The following NYAP1 variants were observed in gnomAD, a reference collection of about 807,000 sequenced individuals.
NYAP1 encodes neuronal tyrosine phosphorylated phosphoinositide-3-kinase adaptor 1.
Under a neutral mutation model 58.6 loss-of-function variants are expected in NYAP1, and 20 were observed. The observed-to-expected ratio is 0.34, with a 90% CI of 0.24 to 0.50. The LOEUF is 0.50. Among genes scored for constraint, NYAP1 ranks in the 20% least tolerant of loss-of-function variants. The pLI is 0.98. For synonymous variants in NYAP1, 572 were observed against 523.1 expected, an observed-to-expected ratio of 1.09 and a Z score of -1.27; for missense variants, 1,150 against 1,194.5, an observed-to-expected ratio of 0.96 and a Z score of 0.55.
Position 100,493,740 on chromosome 7 carries a change from G to A in NYAP1, c.2363G>A (p.Cys788Tyr). 6.2e-7 allele frequency: 1 copy of A among 1,604,632 alleles called. No homozygotes were observed. The highest frequency in any genetic ancestry group is 2.2e-5 in the East Asian group (1 of 44,694). ...CTGGAGGTGATCGAGCGCAAGCGCTGCGTGTGCAAGGAGATCAAGGCGCGC... is the reference window on the plus strand; with the variant it reads ...CTGGAGGTGATCGAGCGCAAGCGCTACGTGTGCAAGGAGATCAAGGCGCGC... Reference protein sequence around the residue: ...KLLEVIERKRCVCKEIKARHR... With the variant: ...KLLEVIERKRYVCKEIKARHR... The change falls in exon 7 of 7, where the codon TGC becomes TAC. Residue 788 changes from cysteine to tyrosine, a missense_variant. Coordinates refer to ENST00000300179, the MANE Select transcript of NYAP1 (RefSeq NM_173564.4).
rs767974873 is a variant in NYAP1 at position 100,488,651 on chromosome 7, G to A, written c.930G>A (p.Arg310=). The A allele has an allele frequency of 2.3e-5, 37 of 1,610,322 alleles. No homozygotes were observed. The highest frequency in any genetic ancestry group is 8.0e-5 in the African/African-American group (6 of 74,586). Residue 310 remains arginine, a synonymous_variant, in exon 4 of 7, where the codon CGG becomes CGA. Transcript: ENST00000300179. The surrounding 1 kb of genome is among the most constrained non-coding windows in gnomAD (Gnocchi z 5.9). ...GCCCAGCTTCAGCCCTCCCGAGCCG[G>A]AGGGACGGGACGCCCACCAAGACCA... ...HRRPASALPS[R]RDGTPTKTTP...
chr7:100,486,752 TG>T lies in NYAP1; in HGVS notation c.69-65del. ...AAGCCACAGGGTTGCTGACACCTCT[TG>T]GGGTGGAGAAGGGGGATGCCCAGGT... On this transcript the variant is annotated intron_variant, in intron 2 of 6. Coordinates refer to ENST00000300179, the MANE Select transcript of NYAP1 (RefSeq NM_173564.4). The surrounding 1 kb of genome is among the most constrained non-coding windows in gnomAD (Gnocchi z 6.2). 1 of 1,405,760 alleles carries T rather than the reference TG, an allele frequency of 7.1e-7. No individual in the cohort carries two copies. Among genetic ancestry groups the T allele is most frequent in the African/African-American group, 1.5e-5 (1 of 66,940 alleles). The allele number at this position is 1,405,760 out of a possible 1,614,324, so 87.1% of individuals were successfully genotyped here.
intron 4 of NYAP1, 73 bp downstream of exon 4, chr7:100,489,739 G>T: frequency 8.5e-7 from 1 of 1,180,978 alleles, no homozygotes; most frequent in Non-Finnish European, 1.1e-6. Context: ...GATGGTTTGG[G>T]GGAGGTGTTG....
Position 100,488,456 on chromosome 7 carries a change from C to A in NYAP1, c.735C>A (p.Thr245=), listed in dbSNP as rs1270109366. The A allele has an allele frequency of 1.2e-6, 2 of 1,609,448 alleles. No homozygotes were observed. The highest frequency in any genetic ancestry group is 2.2e-5 in the South Asian group (2 of 90,814). ...AGPPLGGGGP[T]PPAGADSDSE... Reference sequence around the variant, plus strand: ...CCCCTCTTGGGGGTGGGGGCCCGACCCCTCCAGCGGGCGCCGACTCGGACT... The same window carrying A: ...CCCCTCTTGGGGGTGGGGGCCCGACACCTCCAGCGGGCGCCGACTCGGACT... Residue 245 remains threonine (T), a synonymous_variant, in exon 4 of 7, where the codon ACC becomes ACA. Transcript: ENST00000300179. The surrounding 1 kb of genome is among the most constrained non-coding windows in gnomAD (Gnocchi z 5.9).
rs145361652 is a variant in NYAP1 at position 100,488,290 on chromosome 7, A to T, written c.569A>T (p.Asn190Ile). The change falls in exon 4 of 7, where the codon AAC becomes ATC. Residue 190 changes from asparagine to isoleucine, a missense_variant. By Grantham distance (149) the Asn-to-Ile change is moderately radical. Coordinates refer to ENST00000300179, the MANE Select transcript of NYAP1 (RefSeq NM_173564.4). This position sits in a 1 kb window ranked among gnomAD's most constrained non-coding sequence, Gnocchi z 5.9. ...CCAGGCCCCTCTCCTCGAGGGGGGAACCTGCCTCTTCAGCGCCTCACTAGG... is the reference window on the plus strand; with the variant it reads ...CCAGGCCCCTCTCCTCGAGGGGGGATCCTGCCTCTTCAGCGCCTCACTAGG... ...CPPGPSPRGG[N>I]LPLQRLTRGS... 9 of 1,613,032 alleles carry T rather than the reference A, an allele frequency of 5.6e-6. No individual in the cohort carries two copies. The highest frequency in any genetic ancestry group is 3.3e-5 in the South Asian group (3 of 91,054).
intron 6 of NYAP1, among the ~76,000 whole-genome samples, chr7:100,492,656 T>G (rs1394692113): frequency 1.3e-5 from 2 of 152,040 alleles, no homozygotes; most frequent in Non-Finnish European, 2.9e-5. Context: ...CCTAGTACTT[T>G]GGGAGGCCGA....
intron 4 of NYAP1, among the ~76,000 whole-genome samples, chr7:100,489,935 G>A (rs1010510443): frequency 3.9e-5 from 6 of 152,036 alleles, no homozygotes; most frequent in African/African-American, 1.2e-4. Context: ...CTCCCTTCCC[G>A]GGGCTGCAGG....
chr7:100,488,401 G>A lies in NYAP1; in HGVS notation c.680G>A (p.Gly227Glu), dbSNP rs746353299. 1.3e-6 allele frequency: 2 copies of A among 1,597,368 alleles called. No individual in the cohort carries two copies. The highest frequency in any genetic ancestry group is 1.7e-4 in the Middle Eastern group (1 of 5,966). The change falls in exon 4 of 7, where the codon GGA becomes GAA. Residue 227 changes from glycine (G) to glutamate (E), a missense_variant. Gly to Glu is a moderately conservative substitution (Grantham distance 98, BLOSUM62 -2). Coordinates refer to ENST00000300179, the MANE Select transcript of NYAP1 (RefSeq NM_173564.4). The surrounding 1 kb of genome is among the most constrained non-coding windows in gnomAD (Gnocchi z 5.9). ...ATGGTGGGGGACGTCTTTAGGGGAG[G>A]AGGACGAAGTGGAGGAGGCCTGGCT... ...IEMVGDVFRG[G>E]GRSGGGLAGP...
In NYAP1 at chr7:100,487,583, C is replaced by G. The variant is rs1358582992; in HGVS notation, c.430+401C>G. Among the ~76,000 whole-genome samples, 1 of 152,060 alleles carries G rather than the reference C, an allele frequency of 6.6e-6. No homozygotes were observed. Among genetic ancestry groups the G allele is most frequent in the Non-Finnish European group, 1.5e-5 (1 of 67,992 alleles). On this transcript the variant is annotated intron_variant, in intron 3 of 6. Coordinates refer to ENST00000300179, the MANE Select transcript of NYAP1 (RefSeq NM_173564.4). The surrounding 1 kb of genome is among the most constrained non-coding windows in gnomAD (Gnocchi z 4.1). ...GTGGTGCGATCTCAGCTCACTGCATCCTCCGCCTCCCAGGTTCAAGCAGTT... is the reference window on the plus strand; with the variant it reads ...GTGGTGCGATCTCAGCTCACTGCATGCTCCGCCTCCCAGGTTCAAGCAGTT...
chr7:100,488,830 C>A lies in NYAP1; in HGVS notation c.1109C>A (p.Thr370Asn). 6.3e-7 allele frequency: 1 copy of A among 1,579,040 alleles called. No homozygotes were observed. Among genetic ancestry groups the A allele is most frequent in the African/African-American group, 1.4e-5 (1 of 73,572 alleles). ...CACTCCAAGGAGCCAGCCGGCTCCA[C>A]CCCAGCTCCCCAAGTGCCTGCACGG... The part of the protein sequence containing the change: ...LCHSKEPAGS[T>N]PAPQVPARER... The change falls in exon 4 of 7, where the codon ACC becomes AAC. Residue 370 changes from threonine to asparagine, a missense_variant. Thr to Asn is a moderately conservative substitution (Grantham distance 65, BLOSUM62 0). Transcript: ENST00000300179. The surrounding 1 kb of genome is among the most constrained non-coding windows in gnomAD (Gnocchi z 5.9).
Position 100,490,519 on chromosome 7 carries a change from G to A in NYAP1, c.1948G>A (p.Val650Ile). 6.3e-7 allele frequency: 1 copy of A among 1,579,852 alleles called. No individual in the cohort carries two copies. The highest frequency in any genetic ancestry group is 8.6e-7 in the Non-Finnish European group (1 of 1,163,036). The part of the protein sequence containing the change: ...GGRKAKELDK[V>I]EDGARAWNGS... Reference sequence around the variant, plus strand: ...AGCTCTCCTTGTCATCCCAGCAGAGGTCGAGGACGGTGCCCGGGCCTGGAA... The same window carrying A: ...AGCTCTCCTTGTCATCCCAGCAGAGATCGAGGACGGTGCCCGGGCCTGGAA... Residue 650 changes from valine (V) to isoleucine (I), a missense_variant and splice_region_variant, in exon 5 of 7, where the codon GTC (valine) becomes ATC (isoleucine). Transcript: ENST00000300179. The surrounding 1 kb of genome is among the most constrained non-coding windows in gnomAD (Gnocchi z 4.6).
rs766182413 is a variant in NYAP1, at chr7:100,486,860, C to G, written c.108C>G (p.Pro36=). The change falls in exon 3 of 7, where the codon CCC becomes CCG. Residue 36 remains proline, a synonymous_variant. Transcript: ENST00000300179. The surrounding 1 kb of genome is among the most constrained non-coding windows in gnomAD (Gnocchi z 6.2). The stretch of plus-strand genomic sequence containing the variant: ...TGGCCCCCGCTGGCTCGGCTGGGCC[C>G]GCGGCCGGCCAGGGGCCTGGGGTCC... ...KEVAPAGSAG[P]AAGQGPGVRV... 2.0e-6 allele frequency: 3 copies of G among 1,534,704 alleles called. No individual in the cohort carries two copies. Among genetic ancestry groups the G allele is most frequent in the South Asian group, 2.4e-5 (2 of 82,588 alleles).
Position 100,493,567 on chromosome 7 carries a change from C to T in NYAP1, c.2269-79C>T, listed in dbSNP as rs530247200. On this transcript the variant is annotated intron_variant, in intron 6 of 6. Transcript: ENST00000300179. ...TGCTTCTGAGGGGAGACGTGGGTCT[C>T]GGCAGTGCGGACCCGTCCGGTCATG... 4.1e-4 allele frequency: 491 copies of T among 1,200,922 alleles called. 2 individuals carry two copies. The African/African-American group carries it at 6.6e-3, about 16-fold the overall frequency. The allele number at this position is 1,200,922 out of a possible 1,614,324, so 74.4% of individuals were successfully genotyped here. A position where few individuals can be genotyped will look rare whatever the true frequency, so the allele number is the denominator to read the frequency against.
chr7:100,489,376 C>A lies in NYAP1; in HGVS notation c.1655C>A (p.Pro552Gln), dbSNP rs747768402. ...CCCCTGACCCCGCTGTGGACCTACC[C>A]AGCCACAGCAGCTGGGCTCAAGAGA... ...VGPLTPLWTYPATAAGLKRPP... is the reference protein window; with the variant it reads ...VGPLTPLWTYQATAAGLKRPP... The change falls in exon 4 of 7, where the codon CCA becomes CAA. Residue 552 changes from proline (P) to glutamine (Q), a missense_variant. Transcript: ENST00000300179. 2.4e-5 allele frequency: 38 copies of A among 1,612,788 alleles called. No homozygotes were observed. The highest frequency in any genetic ancestry group is 3.2e-5 in the Non-Finnish European group (38 of 1,179,922).
chr7:100,485,375 A>G lies in NYAP1; in HGVS notation c.64A>G (p.Arg22Gly). The G allele has an allele frequency of 6.3e-7, 1 of 1,599,560 alleles. No individual in the cohort carries two copies. Among genetic ancestry groups the G allele is most frequent in the Non-Finnish European group, 8.5e-7 (1 of 1,172,410 alleles). The change falls in exon 2 of 7, where the codon AGG (arginine) becomes GGG (glycine). Residue 22 changes from arginine (R) to glycine (G), a missense_variant. Transcript: ENST00000300179. This position sits in a 1 kb window ranked among gnomAD's most constrained non-coding sequence, Gnocchi z 5.7. ...WRQHKEEEAK[R>G]SSSKEVAPAG... The stretch of plus-strand genomic sequence containing the variant: ...GCAGCACAAGGAAGAGGAGGCCAAG[A>G]GGAGGTAAGGCTGCACCCCAGACTG...
intron 6 of NYAP1, among the ~76,000 whole-genome samples, chr7:100,493,017 G>A (rs939838460): frequency 6.6e-6 from 1 of 151,896 alleles, no homozygotes; most frequent in African/African-American, 2.4e-5. Context: ...AGAAAGAAAG[G>A]GAGGAAAGGA....
rs552968300 is a variant in NYAP1 at position 100,488,563 on chromosome 7, C to A, written c.842C>A (p.Pro281Gln). 6.2e-7 allele frequency: 1 copy of A among 1,609,278 alleles called. No individual in the cohort carries two copies. The highest frequency in any genetic ancestry group is 1.3e-5 in the African/African-American group (1 of 74,816). The change falls in exon 4 of 7, where the codon CCA becomes CAA. Residue 281 changes from proline to glutamine, a missense_variant. Physicochemically the swap from Pro to Gln is moderately conservative, Grantham distance 76. Transcript: ENST00000300179. The surrounding 1 kb of genome is among the most constrained non-coding windows in gnomAD (Gnocchi z 5.9). ...GGGGAAGGCCGGGCCAATGGCCCTC[C>A]ACCATTGACGGCAACATCCCCGCCA... ...EAGEGRANGPPPLTATSPPQQ... is the reference protein window; with the variant it reads ...EAGEGRANGPQPLTATSPPQQ...
At position 100,485,208 on chromosome 7, in the gene NYAP1, T is replaced by TCCCC; in HGVS notation, c.-84-19_-84-18insCCCC. 3.2e-6 allele frequency: 2 copies of TCCCC among 630,082 alleles called. No individual in the cohort carries two copies. Among genetic ancestry groups the TCCCC allele is most frequent in the South Asian group, 1.8e-5 (1 of 54,540 alleles). 39.0% of individuals were successfully genotyped at this position (630,082 alleles called of 1,614,324 possible). A position where few individuals can be genotyped will look rare whatever the true frequency, so the allele number is the denominator to read the frequency against. On this transcript the variant is annotated intron_variant, in intron 1 of 6. Transcript: ENST00000300179. This position sits in a 1 kb window ranked among gnomAD's most constrained non-coding sequence, Gnocchi z 5.7. ...TCCCACCTTTCTTTTTTTTCCGTTC[T>TCCCC]CACCCACCCCGCCCGCCAGTGGATC...
chr7:100,488,426 T>A lies in NYAP1; in HGVS notation c.705T>A (p.Ala235=), dbSNP rs1444906430. 6.2e-7 allele frequency: 1 copy of A among 1,601,620 alleles called. No individual in the cohort carries two copies. Reference sequence around the variant, plus strand: ...GAGGACGAAGTGGAGGAGGCCTGGCTGGGCCCCCTCTTGGGGGTGGGGGCC... The same window carrying A: ...GAGGACGAAGTGGAGGAGGCCTGGCAGGGCCCCCTCTTGGGGGTGGGGGCC... ...RGGGRSGGGL[A]GPPLGGGGPT... Residue 235 remains alanine, a synonymous_variant, in exon 4 of 7, where the codon GCT becomes GCA. Transcript: ENST00000300179. This position sits in a 1 kb window ranked among gnomAD's most constrained non-coding sequence, Gnocchi z 5.9.
Sources: gnomAD v4.1 joint callset for allele counts (sites outside exome capture counted in the v4.1 genomes callset) on GRCh38, gnomAD v4.1.1 for gene constraint, Gnocchi (gnomAD v3.1) non-coding constraint, MANE v1.5 for transcripts, NCBI Gene and HGNC (gene_info 2026-07-23, HGNC 2026-07-21) for gene names.